The following PXDNL variants were observed in gnomAD, a reference collection of about 807,000 sequenced individuals.
The protein encoded by PXDNL is peroxidasin like.
A neutral mutation model predicts 150.8 loss-of-function variants in PXDNL; 145 were observed. The ratio of observed to expected loss-of-function variants is 0.96; its 90% CI spans 0.84 to 1.10. The LOEUF is 1.10. PXDNL is among the 50% of genes least tolerant of loss of function. The probability of loss-of-function intolerance (pLI) is 0.00; values close to 1 mark genes in which losing one functional copy is unlikely to be tolerated. For synonymous variants in PXDNL, 757 were observed against 725.7 expected (o/e 1.04, Z -0.69); for missense variants, 2,087 against 1,873.9 (o/e 1.11, Z -2.10).
rs187556127 is a variant in PXDNL at position 51,709,507 on chromosome 8, G to A, written c.165-54747C>T. Among the ~76,000 whole-genome samples, 154 of 152,106 alleles carry A rather than the reference G, an allele frequency of 1.0e-3. 1 individual carries two copies. The highest frequency in any genetic ancestry group is 3.4e-3 in the Middle Eastern group (1 of 294). On this transcript the variant is annotated intron_variant, in intron 1 of 22. Transcript: ENST00000356297. ...CTGACCTCGTGATCCACCCACCTCC[G>A]CCTCCCAAAGTGCTGGATTACAGGC...
chr8:51,708,878 T>C (rs201170088), intron 1 of PXDNL, among the ~76,000 whole-genome samples: 4 of 152,262 alleles, frequency 2.6e-5, no homozygotes, highest in African/African-American at 9.6e-5. Flanking sequence ...GCTGGAGTTA[T>C]AAATCTGGGA....
chr8:51,545,266 T>A (rs115327982), intron 4 of PXDNL, among the ~76,000 whole-genome samples: 4,189 of 152,304 alleles, frequency 0.028, 188 homozygotes, highest in African/African-American at 0.096. Flanking sequence ...TGTAAATACG[T>A]TTGATGAAAA....
chr8:51,428,912 A>G (rs10112486), intron 12 of PXDNL, among the ~76,000 whole-genome samples: 111,194 of 151,390 alleles, frequency 0.73, 42,329 homozygotes, highest in Non-Finnish European at 0.84. Context: ...GGCAAGTTAT[A>G]GACGGAGAAA....
Position 51,408,979 on chromosome 8 carries a change from T to C in PXDNL, c.2645A>G (p.Tyr882Cys). ...GRPSATVDSV[Y>C]AREQINQQTA... ...TTGCTGGTTGATCTGCTCTCGTGCA[T>C]AGACTGAATCCACCGTCGCAGAGGG... The change falls in exon 17 of 23, where the codon TAT (tyrosine) becomes TGT (cysteine). Residue 882 changes from tyrosine (Y) to cysteine (C), a missense_variant. Coordinates refer to ENST00000356297, the MANE Select transcript of PXDNL (RefSeq NM_144651.5). 1 of 1,612,156 alleles carries C rather than the reference T, an allele frequency of 6.2e-7. No individual in the cohort carries two copies. The highest frequency in any genetic ancestry group is 8.5e-7 in the Non-Finnish European group (1 of 1,179,860).
rs550210855 is a variant in PXDNL, at chr8:51,568,136, T to G, written c.309-11225A>C. On this transcript the variant is annotated intron_variant, in intron 3 of 22. Coordinates refer to ENST00000356297, the MANE Select transcript of PXDNL (RefSeq NM_144651.5). ...ATTTATTTTTATTCTGAACAAATTT[T>G]TATCCGTTATATCAATAAATAATAA... Among the ~76,000 whole-genome samples the G allele has an allele frequency of 6.6e-5, 10 of 151,850 alleles. No homozygotes were observed. The East Asian group carries it at 1.9e-3, about 30-fold the overall frequency.
At chr8:51,322,057 G>A (rs73577678) in intron 21 of PXDNL, among the ~76,000 whole-genome samples, 3,621 of 152,220 alleles carry the variant, frequency 0.024, 127 homozygotes, top group African/African-American at 0.082. Context: ...CTCACACAGC[G>A]AAGGCCATGT....
chr8:51,373,253 G>A (rs1180710271), intron 18 of PXDNL, among the ~76,000 whole-genome samples: 5 of 152,210 alleles, frequency 3.3e-5, no homozygotes, highest in African/African-American at 1.2e-4. Flanking sequence ...GACACAGGGA[G>A]AAGATGCCAC....
intron 3 of PXDNL, among the ~76,000 whole-genome samples, chr8:51,571,426 T>A: frequency 6.6e-6 from 1 of 151,856 alleles, no homozygotes; most frequent in East Asian, 1.9e-4. Context: ...TATGTTGACA[T>A]GTTTCATTAA....
In PXDNL at chr8:51,449,039, G is replaced by A. The variant is rs377262954; in HGVS notation, c.1329C>T (p.Asp443=). ...EHAVEWLCEA[D]GNPPPVIVWT... Reference sequence around the variant, plus strand: ...AGACAATAACAGGAGGTGGGTTGCCGTCAGCTTCACAGAGCCACTCTACAG... The same window carrying A: ...AGACAATAACAGGAGGTGGGTTGCCATCAGCTTCACAGAGCCACTCTACAG... The change falls in exon 11 of 23, where the codon GAC becomes GAT. Residue 443 remains aspartate (D), a synonymous_variant. Coordinates refer to ENST00000356297, the MANE Select transcript of PXDNL (RefSeq NM_144651.5). 2 of 1,551,626 alleles carry A rather than the reference G, an allele frequency of 1.3e-6. No homozygotes were observed. The highest frequency in any genetic ancestry group is 1.7e-6 in the Non-Finnish European group (2 of 1,146,580).
At chr8:51,513,341 T>C (rs1811465518) in intron 4 of PXDNL, among the ~76,000 whole-genome samples, 2 of 152,206 alleles carry the variant, frequency 1.3e-5, no homozygotes, top group South Asian at 4.1e-4. Flanking sequence ...TGCCCTGCAC[T>C]GTGCCTTGTG....
At chr8:51,432,860 G>C (rs7822963) in intron 12 of PXDNL, among the ~76,000 whole-genome samples, 2,062 of 152,128 alleles carry the variant, frequency 0.014, 41 homozygotes, top group African/African-American at 0.047. Flanking sequence ...TTCCGTAAAG[G>C]CTAGGACCTT....
At chr8:51,357,916 G>A (rs1217921898) in intron 19 of PXDNL, among the ~76,000 whole-genome samples, 2 of 152,070 alleles carry the variant, frequency 1.3e-5, no homozygotes, top group African/African-American at 4.8e-5. Context: ...TGTTCTGAAA[G>A]AAAAACTGAT....
At chr8:51,788,878 C>T in intron 1 of PXDNL, among the ~76,000 whole-genome samples, 1 of 152,326 alleles carries the variant, frequency 6.6e-6, no homozygotes, top group Middle Eastern at 3.4e-3. Flanking sequence ...TGCTTCAGTT[C>T]CGCACTAACT....
At chr8:51,409,779 A>G (rs1371993220) in intron 16 of PXDNL, among the ~76,000 whole-genome samples, 1 of 151,988 alleles carries the variant, frequency 6.6e-6, no homozygotes, top group Non-Finnish European at 1.5e-5. Flanking sequence ...ATTACTTTTG[A>G]GCGTTCATCC....
At chr8:51,414,837 G>T (rs1014454340) in intron 14 of PXDNL, among the ~76,000 whole-genome samples, 1 of 152,124 alleles carries the variant, frequency 6.6e-6, no homozygotes, top group East Asian at 1.9e-4. Context: ...AAAGAGGAAA[G>T]CTCAAAAGTT....
chr8:51,338,802 T>C (rs1346508185), intron 21 of PXDNL, among the ~76,000 whole-genome samples: 1 of 152,202 alleles, frequency 6.6e-6, no homozygotes, highest in East Asian at 1.9e-4. Context: ...CCAGAACAAC[T>C]GGCAAAATAA....
At chr8:51,573,789 T>G (rs1326601826) in intron 3 of PXDNL, among the ~76,000 whole-genome samples, 1 of 152,036 alleles carries the variant, frequency 6.6e-6, no homozygotes, top group Non-Finnish European at 1.5e-5. Context: ...TTACCCCCAG[T>G]ACCTCAGAAT....
chr8:51,329,089 G>A (rs761319370), intron 21 of PXDNL, among the ~76,000 whole-genome samples: 6 of 152,146 alleles, frequency 3.9e-5, no homozygotes, highest in Non-Finnish European at 8.8e-5. Context: ...AGTAGGAGGT[G>A]GAGAAAAGGC....
chr8:51,341,228 T>A (rs967342271), intron 20 of PXDNL, among the ~76,000 whole-genome samples: 1 of 152,174 alleles, frequency 6.6e-6, no homozygotes, highest in African/African-American at 2.4e-5. Flanking sequence ...AAATAAGAGG[T>A]ATAACCTTGT....
Sources: allele counts gnomAD v4.1 joint callset (sites outside exome capture counted in the v4.1 genomes callset), GRCh38; gene constraint gnomAD v4.1.1; transcripts MANE v1.5; gene names NCBI Gene and HGNC (gene_info 2026-07-23, HGNC 2026-07-21).